The following MARCHF1 variants were observed in gnomAD, a reference collection of about 807,000 sequenced individuals.
MARCHF1 encodes membrane associated ring-CH-type finger 1, also known as E3 ubiquitin-protein ligase MARCHF1.
Under a neutral mutation model 54.2 loss-of-function variants are expected in MARCHF1, and 40 were observed. That is an observed-to-expected ratio of 0.74 (90% CI 0.57 to 0.96). The LOEUF is 0.96. Ranked by LOEUF, MARCHF1 falls within the 40% of genes least tolerant of loss-of-function variation. The pLI, the probability that MARCHF1 is intolerant of heterozygous loss-of-function variation, is 0.00. For missense variants in MARCHF1, 586 were observed against 656.5 expected (o/e 0.89, Z 1.17); for synonymous variants, 236 against 236.3 (o/e 1.00, Z 0.01).
chr4:164,069,542 G>A (rs892999960), intron 2 of MARCHF1, among the ~76,000 whole-genome samples: 2 of 152,144 alleles, frequency 1.3e-5, no homozygotes, highest in African/African-American at 2.4e-5. Flanking sequence ...CGCCTTAAGA[G>A]CTGTAACACT....
intron 2 of MARCHF1, among the ~76,000 whole-genome samples, chr4:164,009,390 T>C (rs1356352885): frequency 2.0e-5 from 3 of 152,186 alleles, no homozygotes; most frequent in South Asian, 2.1e-4. Context: ...ATGCAAATTC[T>C]ACTCAAACTC....
chr4:163,652,538 A>C (rs925639660), intron 5 of MARCHF1, among the ~76,000 whole-genome samples: 10 of 151,682 alleles, frequency 6.6e-5, no homozygotes, highest in African/African-American at 2.2e-4. Context: ...CCATCAATTA[A>C]CTTCATCTCA....
At chr4:163,675,719 T>C (rs1743889894) in intron 5 of MARCHF1, among the ~76,000 whole-genome samples, 1 of 152,170 alleles carries the variant, frequency 6.6e-6, no homozygotes, top group Non-Finnish European at 1.5e-5. Flanking sequence ...TCTCTCTCCC[T>C]TTGTATATCA....
intron 8 of MARCHF1, among the ~76,000 whole-genome samples, chr4:163,581,779 GA>G (rs1402533324): frequency 3.3e-5 from 5 of 152,148 alleles, no homozygotes; most frequent in Non-Finnish European, 5.9e-5. Flanking sequence ...AATTCACACA[GA>G]ACTTATATTC....
Position 164,146,715 on chromosome 4 carries a change from A to C in MARCHF1, c.-322-35053T>G, listed in dbSNP as rs189215275. Among the ~76,000 whole-genome samples, 898 of 152,282 alleles carry C rather than the reference A, an allele frequency of 5.9e-3. 10 individuals carry two copies. Among genetic ancestry groups the C allele is most frequent in the African/African-American group, 0.021 (856 of 41,544 alleles). On this transcript the variant is annotated intron_variant, in intron 1 of 9. Transcript: ENST00000514618. ...TTAAACATTAGACCTAAAACTATAA[A>C]AACCCTAGAAGAAAACCTAGGCTTT...
At chr4:164,126,385 T>C (rs1038915119) in intron 1 of MARCHF1, among the ~76,000 whole-genome samples, 2 of 152,208 alleles carry the variant, frequency 1.3e-5, no homozygotes, top group African/African-American at 4.8e-5. Flanking sequence ...CAATATTGGA[T>C]GTCCCAGTCT....
intron 3 of MARCHF1, among the ~76,000 whole-genome samples, chr4:163,951,227 T>C (rs1452978886): frequency 6.6e-6 from 1 of 152,238 alleles, no homozygotes; most frequent in African/African-American, 2.4e-5. Flanking sequence ...TGAACATATC[T>C]GTAACTTTAT....
chr4:163,825,018 T>C (rs1469918449), intron 4 of MARCHF1, among the ~76,000 whole-genome samples: 1 of 151,434 alleles, frequency 6.6e-6, no homozygotes, highest in African/African-American at 2.4e-5. Flanking sequence ...TGTGGAGAAA[T>C]AGGAACACTT....
At chr4:163,891,079 C>A (rs1750651054) in intron 3 of MARCHF1, among the ~76,000 whole-genome samples, 1 of 151,958 alleles carries the variant, frequency 6.6e-6, no homozygotes, top group African/African-American at 2.4e-5. Flanking sequence ...GCTTTAGAGC[C>A]CAGGGGACAT....
chr4:163,930,021 ACT>A (rs1751637234), intron 3 of MARCHF1, among the ~76,000 whole-genome samples: 1 of 136,170 alleles, frequency 7.3e-6, no homozygotes, highest in African/African-American at 2.8e-5. Flanking sequence ...TATTATATAT[ACT>A]ATATTATATA....
chr4:164,056,181 C>T (rs933345603), intron 2 of MARCHF1, among the ~76,000 whole-genome samples: 7 of 152,140 alleles, frequency 4.6e-5, no homozygotes, highest in African/African-American at 1.2e-4. Context: ...TCTCCCATAA[C>T]CAGCACCTAC....
intron 2 of MARCHF1, among the ~76,000 whole-genome samples, chr4:164,082,485 GA>G (rs1755121488): frequency 6.6e-6 from 1 of 152,102 alleles, no homozygotes; most frequent in Admixed American, 6.5e-5. Flanking sequence ...CAATTTAGAA[GA>G]TGCCAACTTT....
chr4:164,372,038 G>T (rs1441771062), intron 1 of MARCHF1, among the ~76,000 whole-genome samples: 1 of 152,164 alleles, frequency 6.6e-6, no homozygotes, highest in Non-Finnish European at 1.5e-5. Context: ...TGGCGCCACG[G>T]CATTCCAGCC....
chr4:163,984,039 T>C (rs1453515102), intron 3 of MARCHF1, among the ~76,000 whole-genome samples: 1 of 151,886 alleles, frequency 6.6e-6, no homozygotes, highest in African/African-American at 2.4e-5. Flanking sequence ...ACTTGTCCAT[T>C]ATGTTCAAAA....
intron 3 of MARCHF1, among the ~76,000 whole-genome samples, chr4:163,903,674 A>T (rs1410916290): frequency 6.6e-6 from 1 of 151,556 alleles, no homozygotes; most frequent in Admixed American, 6.6e-5. Flanking sequence ...GCAATGGTTC[A>T]ATCTTGGTTC....
At chr4:163,808,046 A>T (rs946459256) in intron 4 of MARCHF1, among the ~76,000 whole-genome samples, 3 of 152,144 alleles carry the variant, frequency 2.0e-5, no homozygotes, top group African/African-American at 7.2e-5. Context: ...CACATATTTC[A>T]TGCACTGCTA....
chr4:163,799,663 C>A (rs906833775), intron 4 of MARCHF1, among the ~76,000 whole-genome samples: 15 of 152,016 alleles, frequency 9.9e-5, no homozygotes, highest in African/African-American at 3.6e-4. Flanking sequence ...AAAAATAAGA[C>A]AGTAACCATT....
At chr4:164,302,107 T>C (rs1734575868) in intron 1 of MARCHF1, among the ~76,000 whole-genome samples, 1 of 152,182 alleles carries the variant, frequency 6.6e-6, no homozygotes, top group Non-Finnish European at 1.5e-5. Context: ...TAAATGGCTC[T>C]TTTGGAAAGT....
chr4:163,566,577 T>C (rs1739652268), intron 8 of MARCHF1, among the ~76,000 whole-genome samples: 2 of 152,170 alleles, frequency 1.3e-5, no homozygotes, highest in African/African-American at 4.8e-5. Flanking sequence ...TCCTGGGTGA[T>C]AGGATGCCTA....
Sources: allele counts gnomAD v4.1 joint callset (sites outside exome capture counted in the v4.1 genomes callset), GRCh38; gene constraint gnomAD v4.1.1; transcripts MANE v1.5; gene names NCBI Gene and HGNC (gene_info 2026-07-23, HGNC 2026-07-21).